Variants in SMG6 observed in about 807,000 individuals in gnomAD.
SMG6 encodes the protein telomerase-binding protein EST1A.
SMG6 carries 66 observed loss-of-function variants against 142.2 expected under a neutral mutation model. That is an observed-to-expected ratio of 0.46 (90% CI 0.38 to 0.57). SMG6 has a LOEUF of 0.57. Among genes scored for constraint, SMG6 ranks in the 20% least tolerant of loss-of-function variants. SMG6 has a pLI of 0.00. For missense variants in SMG6, 1,793 were observed against 1,832.0 expected, an observed-to-expected ratio of 0.98 and a Z score of 0.39; for synonymous variants, 779 against 702.4, an observed-to-expected ratio of 1.11 and a Z score of -1.72.
At chr17:2,253,430 G>A (rs1270750999) in intron 8 of SMG6, among the ~76,000 whole-genome samples, 1 of 152,038 alleles carries the variant, frequency 6.6e-6, no homozygotes, top group Non-Finnish European at 1.5e-5. Context: ...TTACTATCCA[G>A]ATCGTTACAG....
chr17:2,203,541 A>G (rs1416425465), intron 10 of SMG6, among the ~76,000 whole-genome samples: 1 of 152,222 alleles, frequency 6.6e-6, no homozygotes, highest in African/African-American at 2.4e-5. Flanking sequence ...GCAGGTCTTT[A>G]ATTAAACAAG....
chr17:2,300,702 GAAGAT>G, intron 1 of SMG6, 38 bp from the exon 2 acceptor site: 1 of 1,509,458 alleles, frequency 6.6e-7, no homozygotes, highest in Non-Finnish European at 8.9e-7. Context: ...GGGAAAGGTA[GAAGAT>G]AAGAATAAAG....
At chr17:2,185,531 T>G (rs75403965) in intron 12 of SMG6, among the ~76,000 whole-genome samples, 1,565 of 145,794 alleles carry the variant, frequency 0.011, 32 homozygotes, top group African/African-American at 0.039. Flanking sequence ...TACAAACACA[T>G]AAACTGATCT....
At position 2,224,333 on chromosome 17, in the gene SMG6, T is replaced by C. The variant is rs571511737; in HGVS notation, c.2869+12159A>G. Among the ~76,000 whole-genome samples the C allele has an allele frequency of 2.6e-5, 4 of 152,284 alleles. No individual in the cohort carries two copies. The South Asian group carries it at 6.2e-4, about 24-fold the overall frequency. On this transcript the variant is annotated intron_variant, in intron 10 of 18. Transcript: ENST00000263073. ...ATTATGGAGTCTCTAAAATGCCATG[T>C]TGAATATATTTTAGAGAAATAAAAG...
At chr17:2,274,773 G>A (rs779570166) in intron 8 of SMG6, among the ~76,000 whole-genome samples, 15 of 152,144 alleles carry the variant, frequency 9.9e-5, no homozygotes, top group Non-Finnish European at 1.8e-4. Flanking sequence ...AGAAAATGCT[G>A]GCAATGGTAA....
chr17:2,065,653 T>C lies in SMG6; in HGVS notation c.3862A>G (p.Lys1288Glu), dbSNP rs754298702. The change falls in exon 17 of 19, where the codon AAG becomes GAG. Residue 1288 changes from lysine to glutamate, a missense_variant. Lys to Glu is a moderately conservative substitution (Grantham distance 56). Around this residue, in one of 3 missense-constraint regions of SMG6, gnomAD observed 179 missense variants for 212.6 expected, o/e 0.84. Coordinates refer to ENST00000263073, the MANE Select transcript of SMG6 (RefSeq NM_017575.5). ...IVINELDGLAKGQETDHRAGG... is the reference protein window; with the variant it reads ...IVINELDGLAEGQETDHRAGG... ...GCCCGGTGGTCTGTCTCCTGCCCCT[T>C]GGCCAGGCCGTCCAGCTCATTGATC... 2 of 1,613,350 alleles carry C rather than the reference T, an allele frequency of 1.2e-6. 1 individual carries two copies. The highest frequency in any genetic ancestry group is 4.5e-5 in the East Asian group (2 of 44,886).
In SMG6 at chr17:2,167,508, T is replaced by C. The variant is rs1386670654; in HGVS notation, c.3357+5150A>G. On this transcript the variant is annotated intron_variant, in intron 13 of 18. Transcript: ENST00000263073. ...CTTTTCTGCTTCAAAGATACAATGATTACGTTAATGCCAAATCAGTGCTCT... is the reference window on the plus strand; with the variant it reads ...CTTTTCTGCTTCAAAGATACAATGACTACGTTAATGCCAAATCAGTGCTCT... Among the ~76,000 whole-genome samples the C allele has an allele frequency of 3.3e-5, 5 of 152,326 alleles. No individual in the cohort carries two copies. In the East Asian group the frequency reaches 9.6e-4, roughly 29 times the overall value.
In SMG6 at chr17:2,096,637, A is replaced by G. The variant is rs183203034; in HGVS notation, c.3358-10736T>C. On this transcript the variant is annotated intron_variant, in intron 13 of 18. Coordinates refer to ENST00000263073, the MANE Select transcript of SMG6 (RefSeq NM_017575.5). ...CTGGAGTTGCAGGTGTGAGCCGCCC[A>G]TCCCAGCCTATAAGTCCTTCAAGAC... Among the ~76,000 whole-genome samples the G allele has an allele frequency of 8.7e-4, 132 of 152,140 alleles. 1 individual carries two copies. The highest frequency in any genetic ancestry group is 2.8e-3 in the African/African-American group (116 of 41,486).
intron 3 of SMG6, 116 bp downstream of exon 3, chr17:2,297,747 G>C (rs975492099): frequency 1.5e-5 from 17 of 1,155,972 alleles, no homozygotes; most frequent in Non-Finnish European, 1.7e-5. Context: ...CCCAAGAAAA[G>C]GGCAGTTTTT....
At chr17:2,087,933 T>A (rs914255539) in intron 13 of SMG6, 1 of 985,676 alleles carries the variant, frequency 1.0e-6, no homozygotes, top group African/African-American at 1.7e-5. Flanking sequence ...CCTCTGACCT[T>A]ACGCCCCAGC....
intron 6 of SMG6, among the ~76,000 whole-genome samples, chr17:2,289,882 C>A (rs1040773301): frequency 1.3e-5 from 2 of 150,958 alleles, no homozygotes; most frequent in African/African-American, 4.9e-5. Flanking sequence ...CAGCGCTGCA[C>A]TCCGGCCTGC....
intron 13 of SMG6, among the ~76,000 whole-genome samples, chr17:2,141,302 A>G (rs915263212): frequency 2.6e-5 from 4 of 152,250 alleles, no homozygotes; most frequent in Non-Finnish European, 4.4e-5. Flanking sequence ...TTTAGCTTAG[A>G]GAAAAGAAAA....
chr17:2,237,585 T>C (rs1365384532), intron 9 of SMG6: 1 of 985,176 alleles, frequency 1.0e-6, no homozygotes, highest in East Asian at 1.1e-4. Flanking sequence ...CTGTATGTTT[T>C]CAGGCCAGTG....
intron 13 of SMG6, among the ~76,000 whole-genome samples, chr17:2,165,512 C>A (rs2071309772): frequency 6.6e-6 from 1 of 152,236 alleles, no homozygotes; most frequent in Non-Finnish European, 1.5e-5. Flanking sequence ...TTTATCCTTA[C>A]TGGTTGAGCA....
intron 15 of SMG6, among the ~76,000 whole-genome samples, chr17:2,070,010 A>C (rs2068056571): frequency 6.6e-6 from 1 of 152,210 alleles, no homozygotes; most frequent in Admixed American, 6.5e-5. Flanking sequence ...TAAACTGCCA[A>C]ACAAAAAGTA....
At chr17:2,074,725 G>A (rs529810126) in intron 15 of SMG6, among the ~76,000 whole-genome samples, 83 of 152,286 alleles carry the variant, frequency 5.5e-4, no homozygotes, top group African/African-American at 1.9e-3. Flanking sequence ...ATAGGACTTC[G>A]GGGGACAGTG....
chr17:2,192,803 T>G (rs1306687754), intron 10 of SMG6, among the ~76,000 whole-genome samples: 1 of 152,080 alleles, frequency 6.6e-6, no homozygotes, highest in South Asian at 2.1e-4. Flanking sequence ...AGCCACAGAG[T>G]TCCCCGTGGC....
intron 10 of SMG6, among the ~76,000 whole-genome samples, chr17:2,196,510 A>G (rs933083033): frequency 6.6e-6 from 1 of 152,250 alleles, no homozygotes; most frequent in Admixed American, 6.5e-5. Context: ...CATTGTAGAG[A>G]TGCCAGTTAA....
intron 13 of SMG6, among the ~76,000 whole-genome samples, chr17:2,159,053 C>T (rs868598638): frequency 4.6e-5 from 7 of 152,108 alleles, no homozygotes; most frequent in African/African-American, 1.4e-4. Flanking sequence ...CAGATTAGAA[C>T]ATTTCCCAAA....
Sources: allele counts gnomAD v4.1 joint callset (sites outside exome capture counted in the v4.1 genomes callset), GRCh38; gene constraint gnomAD v4.1.1; regional missense constraint gnomAD v4.1.1; transcripts MANE v1.5; gene names NCBI Gene and HGNC (gene_info 2026-07-23, HGNC 2026-07-21).